Variants in FSCN2 observed in about 807,000 individuals in gnomAD.
FSCN2 encodes fascin-2.
Under a neutral mutation model 37.8 loss-of-function variants are expected in FSCN2, and 46 were observed. That is an observed-to-expected ratio of 1.22 (90% CI 0.96 to 1.56). The LOEUF (loss-of-function observed/expected upper bound fraction) is 1.56. Ranked by LOEUF, FSCN2 falls within the 40% of genes most tolerant of loss-of-function variation. The probability of loss-of-function intolerance (pLI) is 0.00; values close to 1 mark genes in which losing one functional copy is unlikely to be tolerated. For synonymous variants in FSCN2, 351 were observed against 309.4 expected (o/e 1.13, Z -1.41); for missense variants, 844 against 730.4 (o/e 1.16, Z -1.79).
chr17:81,528,470 G>A lies in FSCN2; in HGVS notation c.-62G>A, dbSNP rs539453830. The A allele has an allele frequency of 2.7e-5, 35 of 1,286,352 alleles. No homozygotes were observed. Among genetic ancestry groups the A allele is most frequent in the Non-Finnish European group, 2.9e-5 (27 of 922,042 alleles). 79.7% of individuals were successfully genotyped at this position (1,286,352 alleles called of 1,614,324 possible). ...CCGACCCGGGCTTCTGGGGGACCGC[G>A]GGGGCCGTGAGCACTCAGAGGGCGC... On this transcript the variant is annotated 5_prime_UTR_variant, in exon 1 of 5. Coordinates refer to ENST00000417245, the MANE Select transcript of FSCN2 (RefSeq NM_012418.4).
chr17:81,520,302 C>T, the FSCN2 span, among the ~76,000 whole-genome samples: 7 of 152,132 alleles, frequency 4.6e-5, no homozygotes, highest in Non-Finnish European at 8.8e-5. Context: ...TGGAGAGGCC[C>T]GAGCTGGGGT....
At chr17:81,531,382 T>C (rs2032575810) in intron 1 of FSCN2, among the ~76,000 whole-genome samples, 1 of 142,404 alleles carries the variant, frequency 7.0e-6, no homozygotes. Context: ...GTGGTGATGG[T>C]GGTGATGGTG....
rs1403641060 is a variant in FSCN2 at position 81,536,702 on chromosome 17, C to T, written c.1186C>T (p.His396Tyr). The T allele has an allele frequency of 3.0e-5, 48 of 1,611,182 alleles. No homozygotes were observed. The highest frequency in any genetic ancestry group is 4.1e-5 in the Non-Finnish European group (48 of 1,179,440). Residue 396 changes from histidine (H) to tyrosine (Y), a missense_variant, in exon 4 of 5, where the codon CAC becomes TAC. Coordinates refer to ENST00000417245, the MANE Select transcript of FSCN2 (RefSeq NM_012418.4). ...LRGLDGFVCHHRGSNQLDTNR... is the reference protein window; with the variant it reads ...LRGLDGFVCHYRGSNQLDTNR... Reference sequence around the variant, plus strand: ...CGGCCTGGACGGCTTCGTCTGCCACCACCGCGGCTCCAACCAGCTGGACAC... The same window carrying T: ...CGGCCTGGACGGCTTCGTCTGCCACTACCGCGGCTCCAACCAGCTGGACAC...
chr17:81,535,635 C>G (rs1271428065), intron 2 of FSCN2, among the ~76,000 whole-genome samples: 2 of 99,280 alleles, frequency 2.0e-5, no homozygotes, highest in African/African-American at 3.9e-5. Context: ...CTCCACCATC[C>G]CCATTACCAT....
At chr17:81,531,560 GGTGATGATA>G (rs1393928469) in intron 1 of FSCN2, among the ~76,000 whole-genome samples, 2 of 143,638 alleles carry the variant, frequency 1.4e-5, no homozygotes, top group African/African-American at 2.6e-5. Flanking sequence ...TGGCGATGAT[GGTGATGATA>G]GTGATGGTGA....
the FSCN2 span, among the ~76,000 whole-genome samples, chr17:81,520,650 C>T: frequency 2.0e-5 from 3 of 152,356 alleles, no homozygotes; most frequent in South Asian, 6.2e-4. Context: ...ATTTTGAACG[C>T]TTAGTCCCTG....
Position 81,536,674 on chromosome 17 carries a change from G to C in FSCN2, c.1158G>C (p.Leu386=). The C allele has an allele frequency of 1.2e-6, 2 of 1,611,220 alleles. No individual in the cohort carries two copies. Among genetic ancestry groups the C allele is most frequent in the Non-Finnish European group, 1.7e-6 (2 of 1,179,568 alleles). ...TCATCAACCGGCCCATCCTGGTGCT[G>C]CGCGGCCTGGACGGCTTCGTCTGCC... ...LKLINRPILV[L]RGLDGFVCHH... is the part of the protein sequence containing the mutation. Residue 386 remains leucine (L), a synonymous_variant, in exon 4 of 5, where the codon CTG becomes CTC. Coordinates refer to ENST00000417245, the MANE Select transcript of FSCN2 (RefSeq NM_012418.4).
At chr17:81,516,718 C>A in the FSCN2 span, among the ~76,000 whole-genome samples, 1 of 152,238 alleles carries the variant, frequency 6.6e-6, no homozygotes, top group East Asian at 1.9e-4. Flanking sequence ...TTCTCCTGCC[C>A]CACTGCGCAG....
chr17:81,518,347 G>A, the FSCN2 span, among the ~76,000 whole-genome samples: 1 of 57,090 alleles, frequency 1.8e-5, no homozygotes, highest in African/African-American at 6.5e-5. Flanking sequence ...TGAAGCTGGT[G>A]CCCCTGTACC....
upstream of FSCN2, among the ~76,000 whole-genome samples, chr17:81,528,192 C>T (rs77646012): frequency 0.014 from 2,119 of 152,314 alleles, 63 homozygotes; most frequent in African/African-American, 0.049. Flanking sequence ...CAACCCTGCC[C>T]TCCAGCCCCG....
At chr17:81,535,587 A>C (rs1298371042) in intron 2 of FSCN2, among the ~76,000 whole-genome samples, 1 of 115,322 alleles carries the variant, frequency 8.7e-6, no homozygotes, top group African/African-American at 3.3e-5. Flanking sequence ...CCCCATCTCT[A>C]TCTCTACCAT....
At chr17:81,520,415 C>T in the FSCN2 span, among the ~76,000 whole-genome samples, 2 of 152,220 alleles carry the variant, frequency 1.3e-5, no homozygotes, top group South Asian at 2.1e-4. Context: ...GGCCCCCACC[C>T]ACACACACCT....
rs775589838 is a variant in FSCN2 at position 81,536,629 on chromosome 17, C to G, written c.1113C>G (p.Asp371Glu). 4 of 1,609,622 alleles carry G rather than the reference C, an allele frequency of 2.5e-6. No individual in the cohort carries two copies. The highest frequency in any genetic ancestry group is 2.7e-5 in the African/African-American group (2 of 74,902). ...AGACGCTCTCCCCGCCAGGCAAGGA[C>G]GAAGAGTTCACCCTCAAGCTCATCA... is the stretch of plus-strand genomic sequence containing the variant. ...LAAISDFVGK[D>E]EEFTLKLINR... Residue 371 changes from aspartate to glutamate, a missense_variant, in exon 4 of 5, where the codon GAC becomes GAG. By Grantham distance (45) the Asp-to-Glu change is conservative (BLOSUM62 2). Transcript: ENST00000417245.
At chr17:81,515,145 G>C in the FSCN2 span, among the ~76,000 whole-genome samples, 3 of 152,156 alleles carry the variant, frequency 2.0e-5, no homozygotes, top group African/African-American at 7.2e-5. Flanking sequence ...GCAGGGCGAG[G>C]CCTGGAGCCC....
At chr17:81,527,531 C>G (rs935021437), upstream of FSCN2, 1 of 152,386 alleles carries the variant, frequency 6.6e-6, no homozygotes, top group African/African-American at 2.4e-5. Flanking sequence ...CACTTCCAGT[C>G]TCTCCCGGCC....
At position 81,528,752 on chromosome 17, in the gene FSCN2, ACG is replaced by A; in HGVS notation, c.222_223del (p.Asp74GlufsTer6). ...GGCCGCTACCTGTCGGCAGAAGAGG[ACG>A]GGCGCGTGGCCTGTGAGGCAGAGCA... On this transcript the variant is annotated frameshift_variant, in exon 1 of 5. Transcript: ENST00000417245. LOFTEE classifies it high-confidence loss of function. 6.3e-7 allele frequency: 1 copy of A among 1,586,440 alleles called. No homozygotes were observed. The highest frequency in any genetic ancestry group is 1.1e-5 in the South Asian group (1 of 87,458).
upstream of FSCN2, among the ~76,000 whole-genome samples, chr17:81,523,417 G>T (rs2032262061): frequency 6.6e-6 from 1 of 152,250 alleles, no homozygotes. Context: ...AACTGCAGCG[G>T]AGCCGATAGC....
In FSCN2 at chr17:81,529,255, C is replaced by T. The variant is rs782436903; in HGVS notation, c.724C>T (p.Arg242Ter). Residue 242 changes from arginine to a stop codon, truncating the protein, a stop_gained, in exon 1 of 5, where the codon CGA (arginine) becomes TGA (stop). Coordinates refer to ENST00000417245, the MANE Select transcript of FSCN2 (RefSeq NM_012418.4). LOFTEE classifies it high-confidence loss of function. ...VGPAGTLKAG[R>*]NTRPGKDELF... is the part of the protein sequence containing the mutation. ...GCCCGCAGGCACCCTCAAGGCCGGC[C>T]GAAACACGCGACCTGGCAAGGATGA... The T allele has an allele frequency of 1.0e-5, 16 of 1,595,496 alleles. No homozygotes were observed. Among genetic ancestry groups the T allele is most frequent in the South Asian group, 7.8e-5 (7 of 89,356 alleles).
intron 2 of FSCN2, 127 bp downstream of exon 2, chr17:81,535,335 CCCATGACCA>C: frequency 1.8e-6 from 1 of 560,192 alleles, no homozygotes; most frequent in South Asian, 2.3e-5. Context: ...CAGCCCCATC[CCCATGACCA>C]CCATCCCCAT....
Sources: gnomAD v4.1 joint callset for allele counts (sites outside exome capture counted in the v4.1 genomes callset) on GRCh38, gnomAD v4.1.1 for gene constraint, MANE v1.5 for transcripts, NCBI Gene and HGNC (gene_info 2026-07-23, HGNC 2026-07-21) for gene names.